The following RELCH variants were observed in gnomAD, a reference collection of about 807,000 sequenced individuals.
RELCH encodes RAB11-binding protein RELCH.
A neutral mutation model predicts 150.3 loss-of-function variants in RELCH; 41 were observed. That is an observed-to-expected ratio of 0.27 (90% confidence interval 0.21 to 0.35). RELCH has a LOEUF of 0.35. Among genes scored for constraint, RELCH ranks in the 10% least tolerant of loss-of-function variants. The pLI, the probability that RELCH is intolerant of heterozygous loss-of-function variation, is 1.00. For synonymous variants in RELCH, 478 were observed against 531.8 expected (o/e 0.90, Z 1.39); for missense variants, 1,092 against 1,467.8 (o/e 0.74, Z 4.18).
At chr18:62,294,634 CTT>C (rs199918852) in intron 27 of RELCH, among the ~76,000 whole-genome samples, 2 of 152,048 alleles carry the variant, frequency 1.3e-5, no homozygotes, top group East Asian at 3.8e-4. Context: ...TATGACATGT[CTT>C]TTCATATTTT....
chr18:62,290,136 A>G (rs2045037378), intron 26 of RELCH, among the ~76,000 whole-genome samples: 1 of 152,238 alleles, frequency 6.6e-6, no homozygotes, highest in Admixed American at 6.5e-5. Flanking sequence ...TTTTATTTAT[A>G]ACTGTATTTT....
chr18:62,219,436 ATATT>A (rs894977931), intron 2 of RELCH, among the ~76,000 whole-genome samples: 1 of 145,040 alleles, frequency 6.9e-6, no homozygotes, highest in Non-Finnish European at 1.5e-5. Flanking sequence ...CATGATATAT[ATATT>A]TATTTAAGAT....
chr18:62,273,935 T>G, intron 20 of RELCH, 45 bp from the exon 21 acceptor site: 2 of 1,183,592 alleles, frequency 1.7e-6, no homozygotes, highest in Non-Finnish European at 2.5e-6. Flanking sequence ...TATTTAGTTC[T>G]ACTTGATTGT....
At chr18:62,216,357 A>AC (rs1419900316) in intron 2 of RELCH, among the ~76,000 whole-genome samples, 2 of 151,664 alleles carry the variant, frequency 1.3e-5, no homozygotes, top group East Asian at 3.9e-4. Flanking sequence ...TGATTTTAGA[A>AC]CCCCCCTATA....
chr18:62,206,562 C>T (rs1033129006), intron 1 of RELCH, among the ~76,000 whole-genome samples: 4 of 152,150 alleles, frequency 2.6e-5, no homozygotes, highest in Non-Finnish European at 4.4e-5. Flanking sequence ...ATTGTGCTTT[C>T]TATACACAAA....
chr18:62,195,280 C>CTGTGTGTGTGTGTGTGTGTGTGTG (rs148387504), intron 1 of RELCH, among the ~76,000 whole-genome samples: 2 of 136,230 alleles, frequency 1.5e-5, no homozygotes, highest in Non-Finnish European at 3.4e-5. Flanking sequence ...TACACACACT[C>CTGTGTGTGTGTGTGTGTGTGTGTG]TGTGTGTGTG....
chr18:62,286,812 T>C (rs2044825921), intron 25 of RELCH, among the ~76,000 whole-genome samples: 1 of 152,206 alleles, frequency 6.6e-6, no homozygotes, highest in Non-Finnish European at 1.5e-5. Flanking sequence ...TTGAGGGTAT[T>C]AAACTCATTG....
intron 27 of RELCH, among the ~76,000 whole-genome samples, chr18:62,292,773 C>A (rs1287018927): frequency 1.3e-5 from 2 of 152,156 alleles, no homozygotes; most frequent in Non-Finnish European, 2.9e-5. Context: ...TCTTTCTAAT[C>A]TCTTCCGTTT....
intron 1 of RELCH, among the ~76,000 whole-genome samples, chr18:62,209,480 A>T (rs374903846): frequency 2.0e-5 from 3 of 152,124 alleles, no homozygotes; most frequent in African/African-American, 7.2e-5. Flanking sequence ...TCTGAATTCT[A>T]TTGCATTGTT....
chr18:62,201,837 C>T (rs1055143167), intron 1 of RELCH, among the ~76,000 whole-genome samples: 17 of 152,076 alleles, frequency 1.1e-4, no homozygotes. Context: ...TTTTATTAGT[C>T]GACAGCTGGT....
chr18:62,249,392 A>T (rs139886856), intron 11 of RELCH, among the ~76,000 whole-genome samples: 1 of 152,214 alleles, frequency 6.6e-6, no homozygotes, highest in South Asian at 2.1e-4. Flanking sequence ...AGGTTAATTT[A>T]TACCAGCAGC....
intron 10 of RELCH, among the ~76,000 whole-genome samples, chr18:62,239,454 A>G (rs2042034268): frequency 2.0e-5 from 3 of 152,072 alleles, no homozygotes; most frequent in Admixed American, 6.6e-5. Context: ...TACACTATCT[A>G]CAGACCAACA....
chr18:62,281,785 A>G (rs1043010361), intron 24 of RELCH, among the ~76,000 whole-genome samples: 1 of 152,218 alleles, frequency 6.6e-6, no homozygotes, highest in Non-Finnish European at 1.5e-5. Context: ...TTTCACTTAT[A>G]TATTTCACTG....
At position 62,280,227 on chromosome 18, in the gene RELCH, A is replaced by G. The variant is rs139805900; in HGVS notation, c.3050+371A>G. On this transcript the variant is annotated intron_variant, in intron 23 of 28. Coordinates refer to ENST00000644646, the MANE Select transcript of RELCH (RefSeq NM_001346231.2). ...TAGTAGCATGAACCAATGGCCTAACATTTTAATGTCTCGTGTGGATGACTA... is the reference window on the plus strand; with the variant it reads ...TAGTAGCATGAACCAATGGCCTAACGTTTTAATGTCTCGTGTGGATGACTA... 797 of 697,986 alleles carry G rather than the reference A, an allele frequency of 1.1e-3. 8 individuals carry two copies. The African/African-American group carries it at 0.013, about 11-fold the overall frequency. The allele number at this position is 697,986 out of a possible 1,614,324, so 43.2% of individuals were successfully genotyped here.
At chr18:62,233,720 A>G (rs991727463) in intron 10 of RELCH, among the ~76,000 whole-genome samples, 5 of 151,898 alleles carry the variant, frequency 3.3e-5, no homozygotes. Flanking sequence ...GTAATGCATT[A>G]ATGTTTGCAT....
chr18:62,233,978 G>T (rs958690430), intron 10 of RELCH, among the ~76,000 whole-genome samples: 5 of 151,596 alleles, frequency 3.3e-5, no homozygotes, highest in Non-Finnish European at 7.4e-5. Flanking sequence ...TTTTCTGGCT[G>T]ATTTTAAATT....
chr18:62,242,035 C>T lies in RELCH; in HGVS notation c.1621-2729C>T, dbSNP rs539495699. ...CTGGCTCTGTCAGAAACAGACCACT[C>T]TCTGCATTTTTCTTCCTCACTTACT... On this transcript the variant is annotated intron_variant, in intron 10 of 28. Coordinates refer to ENST00000644646, the MANE Select transcript of RELCH (RefSeq NM_001346231.2). Among the ~76,000 whole-genome samples, 6 of 152,254 alleles carry T rather than the reference C, an allele frequency of 3.9e-5. No homozygotes were observed. In the South Asian group the frequency reaches 1.2e-3, roughly 32 times the overall value.
chr18:62,209,730 G>C (rs1203478461), intron 1 of RELCH, among the ~76,000 whole-genome samples: 1 of 150,460 alleles, frequency 6.6e-6, no homozygotes, highest in Non-Finnish European at 1.5e-5. Flanking sequence ...GTTCTGATAT[G>C]GATCTTCTTA....
intron 22 of RELCH, among the ~76,000 whole-genome samples, chr18:62,278,497 C>G (rs1456076498): frequency 1.3e-5 from 2 of 152,044 alleles, no homozygotes; most frequent in African/African-American, 4.8e-5. Context: ...AGAATCTTCA[C>G]ATAAAGTGAG....
Sources: allele counts gnomAD v4.1 joint callset (sites outside exome capture counted in the v4.1 genomes callset), GRCh38; gene constraint gnomAD v4.1.1; transcripts MANE v1.5; gene names NCBI Gene and HGNC (gene_info 2026-07-23, HGNC 2026-07-21).